Variants in KCNIP4 observed in about 807,000 individuals in gnomAD.
KCNIP4 encodes the protein Kv channel-interacting protein 4.
Under a neutral mutation model 34.0 loss-of-function variants are expected in KCNIP4, and 12 were observed. The observed-to-expected ratio is 0.35, with a 90% CI of 0.23 to 0.57. The LOEUF is 0.57. KCNIP4 is among the 20% of genes least tolerant of loss of function. KCNIP4 has a pLI of 0.83. For synonymous variants in KCNIP4, 124 were observed against 102.2 expected, an observed-to-expected ratio of 1.21 and a Z score of -1.29; for missense variants, 238 against 311.7, an observed-to-expected ratio of 0.76 and a Z score of 1.78.
chr4:21,703,917 C>G (rs1048139673), intron 1 of KCNIP4, among the ~76,000 whole-genome samples: 1 of 152,156 alleles, frequency 6.6e-6, no homozygotes, highest in Non-Finnish European at 1.5e-5. Context: ...GGTAGAATGA[C>G]TTTGAGACTT....
At chr4:20,748,560 TTATATATATATATATATATA>T (rs3075750) in intron 5 of KCNIP4, among the ~76,000 whole-genome samples, 21 of 64,908 alleles carry the variant, frequency 3.2e-4, no homozygotes, top group South Asian at 5.6e-4. Context: ...CTTCCAAATT[TTATATATATATATATATATA>T]TATATATATA....
At chr4:20,872,029 T>C (rs889423899) in intron 2 of KCNIP4, among the ~76,000 whole-genome samples, 5 of 152,138 alleles carry the variant, frequency 3.3e-5, no homozygotes, top group African/African-American at 4.8e-5. Flanking sequence ...TGGTATATCA[T>C]AGCGATGAAT....
chr4:21,234,938 A>T (rs1759244090), intron 1 of KCNIP4, among the ~76,000 whole-genome samples: 1 of 152,016 alleles, frequency 6.6e-6, no homozygotes, highest in Non-Finnish European at 1.5e-5. Context: ...ATACGCCACC[A>T]CTTCTGGCCA....
intron 1 of KCNIP4, among the ~76,000 whole-genome samples, chr4:21,143,086 G>T (rs976316207): frequency 5.9e-5 from 9 of 152,102 alleles, no homozygotes; most frequent in African/African-American, 2.2e-4. Flanking sequence ...CAACATTCAG[G>T]TTTCCTAGTT....
At chr4:21,917,065 TA>T (rs1353094151) in intron 1 of KCNIP4, among the ~76,000 whole-genome samples, 3 of 152,238 alleles carry the variant, frequency 2.0e-5, no homozygotes, top group Non-Finnish European at 4.4e-5. Context: ...ATTCCTTATG[TA>T]ATCGACTAGT....
chr4:21,061,784 GT>G (rs1164131517), intron 1 of KCNIP4, among the ~76,000 whole-genome samples: 1 of 152,116 alleles, frequency 6.6e-6, no homozygotes, highest in Non-Finnish European at 1.5e-5. Flanking sequence ...GAATGTGACT[GT>G]ATTTGGAAAT....
chr4:21,570,013 G>C (rs910157856), intron 1 of KCNIP4, among the ~76,000 whole-genome samples: 2 of 152,084 alleles, frequency 1.3e-5, no homozygotes, highest in African/African-American at 4.8e-5. Context: ...ATCAGGGCTA[G>C]AAGTGTCAAG....
At chr4:21,254,287 C>G (rs1760912448) in intron 1 of KCNIP4, among the ~76,000 whole-genome samples, 1 of 152,014 alleles carries the variant, frequency 6.6e-6, no homozygotes, top group South Asian at 2.1e-4. Flanking sequence ...CAGTGCTGGC[C>G]CAGTACTATG....
At chr4:20,742,271 G>T (rs1240469356) in intron 5 of KCNIP4, among the ~76,000 whole-genome samples, 3 of 151,732 alleles carry the variant, frequency 2.0e-5, no homozygotes, top group African/African-American at 7.3e-5. Context: ...CAACAAAAAA[G>T]AATTTTAGAC....
chr4:21,422,661 G>GTTT (rs1725583598), intron 1 of KCNIP4, among the ~76,000 whole-genome samples: 2 of 83,870 alleles, frequency 2.4e-5, no homozygotes, highest in Admixed American at 1.2e-4. Flanking sequence ...GTGTGTGTTT[G>GTTT]TGTGTGTGTG....
chr4:21,550,427 G>C (rs541511140), intron 1 of KCNIP4, among the ~76,000 whole-genome samples: 1 of 152,098 alleles, frequency 6.6e-6, no homozygotes, highest in Non-Finnish European at 1.5e-5. Flanking sequence ...TTAGATTAGA[G>C]TGCCTGAGAA....
At chr4:21,022,011 G>GT (rs906096765) in intron 1 of KCNIP4, among the ~76,000 whole-genome samples, 2 of 151,932 alleles carry the variant, frequency 1.3e-5, no homozygotes, top group African/African-American at 2.4e-5. Flanking sequence ...AGCACAGTAG[G>GT]TTTTTTTACA....
At chr4:21,120,368 T>C (rs1750048999) in intron 1 of KCNIP4, among the ~76,000 whole-genome samples, 1 of 152,132 alleles carries the variant, frequency 6.6e-6, no homozygotes, top group Non-Finnish European at 1.5e-5. Flanking sequence ...CTGAGGTCTG[T>C]CTTCTCCCCG....
chr4:21,289,868 A>G (rs774805602), intron 1 of KCNIP4, among the ~76,000 whole-genome samples: 53 of 152,036 alleles, frequency 3.5e-4, no homozygotes, highest in Non-Finnish European at 6.5e-4. Context: ...CCCACTCTAT[A>G]CCCGCTTCCT....
chr4:20,876,555 G>A (rs1311519076), intron 2 of KCNIP4, among the ~76,000 whole-genome samples: 3 of 151,858 alleles, frequency 2.0e-5, no homozygotes, highest in African/African-American at 4.8e-5. Context: ...AAGATGCCAC[G>A]GAATTGGGAA....
intron 1 of KCNIP4, among the ~76,000 whole-genome samples, chr4:21,901,678 C>A (rs144447749): frequency 1.3e-5 from 2 of 152,102 alleles, no homozygotes; most frequent in Non-Finnish European, 1.5e-5. Flanking sequence ...GCATTAATTA[C>A]TACAAGTTAA....
At chr4:21,473,953 A>T (rs1264228026) in intron 1 of KCNIP4, among the ~76,000 whole-genome samples, 2 of 151,972 alleles carry the variant, frequency 1.3e-5, no homozygotes, top group African/African-American at 4.8e-5. Flanking sequence ...ACCTCAGATG[A>T]TTCACCCGCC....
chr4:21,512,923 A>C (rs1281613120), intron 1 of KCNIP4, among the ~76,000 whole-genome samples: 2 of 152,222 alleles, frequency 1.3e-5, no homozygotes, highest in African/African-American at 4.8e-5. Flanking sequence ...CAGTTCTGTT[A>C]AATAAAAATA....
intron 1 of KCNIP4, among the ~76,000 whole-genome samples, chr4:21,037,055 AT>A (rs1741514115): frequency 2.0e-5 from 3 of 152,182 alleles, no homozygotes; most frequent in Admixed American, 6.5e-5. Context: ...TACAATAAGA[AT>A]ATGAAGAAAG....
Sources: gnomAD v4.1 joint callset for allele counts (sites outside exome capture counted in the v4.1 genomes callset) on GRCh38, gnomAD v4.1.1 for gene constraint, MANE v1.5 for transcripts, NCBI Gene and HGNC (gene_info 2026-07-23, HGNC 2026-07-21) for gene names.